RPSA2: variants seen among roughly 807,000 people sequenced by gnomAD.
RPSA2 encodes small ribosomal subunit protein uS2B.
chr19:23,844,300 A>G, the RPSA2 span, among the ~76,000 whole-genome samples: 2 of 152,070 alleles, frequency 1.3e-5, no homozygotes, highest in Non-Finnish European at 2.9e-5. Flanking sequence ...TGAATTTTAA[A>G]CTTTTCTTGT....
the RPSA2 span, chr19:23,832,854 A>G: frequency 6.3e-7 from 1 of 1,580,620 alleles, no homozygotes; most frequent in Non-Finnish European, 8.6e-7. Context: ...CCCTTACTAC[A>G]CATAAGAGAA....
At chr19:23,843,863 G>T in the RPSA2 span, among the ~76,000 whole-genome samples, 10 of 152,066 alleles carry the variant, frequency 6.6e-5, no homozygotes, top group Non-Finnish European at 1.3e-4. Context: ...GGGTTCAAGC[G>T]ATTCTCCCGC....
the RPSA2 span, among the ~76,000 whole-genome samples, chr19:23,821,150 C>G: frequency 6.6e-6 from 1 of 152,220 alleles, no homozygotes; most frequent in Non-Finnish European, 1.5e-5. Context: ...GGTGCCCTCT[C>G]TGATCGATTA....
chr19:23,792,676 G>A, the RPSA2 span, among the ~76,000 whole-genome samples: 9 of 149,448 alleles, frequency 6.0e-5, no homozygotes, highest in Admixed American at 5.4e-4. Flanking sequence ...CACCAAGCCC[G>A]GCTAATTTTT....
the RPSA2 span, among the ~76,000 whole-genome samples, chr19:23,783,595 T>C: frequency 2.6e-5 from 4 of 151,516 alleles, no homozygotes; most frequent in Admixed American, 2.0e-4. Flanking sequence ...CTAGGTGATA[T>C]GACTTTACTC....
chr19:23,851,423 G>A, the RPSA2 span, among the ~76,000 whole-genome samples: 2 of 152,302 alleles, frequency 1.3e-5, no homozygotes, highest in East Asian at 1.9e-4. Flanking sequence ...GTTACCAGCA[G>A]CCATGGGTCC....
chr19:23,835,922 C>T, the RPSA2 span, among the ~76,000 whole-genome samples: 2 of 152,226 alleles, frequency 1.3e-5, no homozygotes, highest in African/African-American at 2.4e-5. Context: ...GTGTGAGCCA[C>T]TGCACCCAGC....
chr19:23,769,372 C>T, the RPSA2 span, among the ~76,000 whole-genome samples: 1 of 152,008 alleles, frequency 6.6e-6, no homozygotes, highest in Non-Finnish European at 1.5e-5. Context: ...GAGATGGAGT[C>T]TGGCTCTGTC....
the RPSA2 span, among the ~76,000 whole-genome samples, chr19:23,863,804 T>G: frequency 6.6e-6 from 1 of 152,262 alleles, no homozygotes; most frequent in African/African-American, 2.4e-5. Flanking sequence ...TTGACTAGTG[T>G]TAACCACTCC....
the RPSA2 span, among the ~76,000 whole-genome samples, chr19:23,774,637 C>T: frequency 1.3e-5 from 2 of 152,174 alleles, no homozygotes; most frequent in African/African-American, 4.8e-5. Flanking sequence ...TGTGACTCTC[C>T]TTTTACACAA....
chr19:23,766,553 C>A, the RPSA2 span, among the ~76,000 whole-genome samples: 1 of 150,188 alleles, frequency 6.7e-6, no homozygotes, highest in Non-Finnish European at 1.5e-5. Context: ...CTCCCGGGTT[C>A]ACGCCATTCT....
the RPSA2 span, among the ~76,000 whole-genome samples, chr19:23,853,559 T>C: frequency 5.3e-5 from 8 of 152,226 alleles, no homozygotes; most frequent in Non-Finnish European, 1.0e-4. Context: ...TTAAAAGGGA[T>C]AACGTAAACC....
chr19:23,787,693 G>A, the RPSA2 span, among the ~76,000 whole-genome samples: 1 of 152,130 alleles, frequency 6.6e-6, no homozygotes, highest in African/African-American at 2.4e-5. Context: ...TGTGTTACCT[G>A]GTCTCTGCTC....
chr19:23,866,480 G>C, the RPSA2 span, among the ~76,000 whole-genome samples: 13 of 151,748 alleles, frequency 8.6e-5, no homozygotes, highest in African/African-American at 2.9e-4. Flanking sequence ...TGCCACCCCA[G>C]ACCTCAGGAC....
At chr19:23,810,412 AAAAAAAAAGGG>A in the RPSA2 span, among the ~76,000 whole-genome samples, 11,089 of 23,540 alleles carry the variant, frequency 0.47, 2,701 homozygotes, top group South Asian at 0.7. Flanking sequence ...AAAAAAAAAA[AAAAAAAAAGGG>A]AAAAGGGCTT....
At chr19:23,860,488 C>T in the RPSA2 span, among the ~76,000 whole-genome samples, 1 of 152,134 alleles carries the variant, frequency 6.6e-6, no homozygotes, top group Non-Finnish European at 1.5e-5. Context: ...CTTCTTCTTG[C>T]TGATTGTAAG....
the RPSA2 span, among the ~76,000 whole-genome samples, chr19:23,864,018 T>C: frequency 6.6e-6 from 1 of 152,200 alleles, no homozygotes; most frequent in Non-Finnish European, 1.5e-5. Context: ...ACTGAGAAGA[T>C]GTGTGACTAC....
the RPSA2 span, among the ~76,000 whole-genome samples, chr19:23,775,112 T>C: frequency 6.6e-6 from 1 of 152,204 alleles, no homozygotes; most frequent in Admixed American, 6.5e-5. Flanking sequence ...CTCTCACATA[T>C]TGTATGAAGC....
chr19:23,761,910 T>TCCTCCCTCCCTCCC, the RPSA2 span, among the ~76,000 whole-genome samples: 1 of 93,488 alleles, frequency 1.1e-5, no homozygotes, highest in African/African-American at 4.5e-5. Flanking sequence ...AATTCTTTCT[T>TCCTCCCTCCCTCCC]TCTTTCTTTC....
Sources: allele counts gnomAD v4.1 joint callset (sites outside exome capture counted in the v4.1 genomes callset), GRCh38; gene constraint gnomAD v4.1.1; transcripts MANE v1.5; gene names NCBI Gene and HGNC (gene_info 2026-07-23, HGNC 2026-07-21).